The following PLD5 variants were observed in gnomAD, a reference collection of about 807,000 sequenced individuals.
The protein encoded by PLD5 is phospholipase D family member 5, also known as inactive phospholipase D5.
PLD5 carries 36 observed loss-of-function variants against 61.1 expected under a neutral mutation model. The ratio of observed to expected loss-of-function variants is 0.59; its 90% CI spans 0.45 to 0.78. PLD5 has a LOEUF of 0.78. Ranked by LOEUF, PLD5 falls within the 30% of genes least tolerant of loss-of-function variation. The pLI is 0.00. For missense variants in PLD5, 515 were observed against 644.4 expected, an observed-to-expected ratio of 0.80 and a Z score of 2.17; for synonymous variants, 243 against 242.8, an observed-to-expected ratio of 1.00 and a Z score of -0.01.
At chr1:242,204,849 T>C (rs1168810872) in intron 5 of PLD5, among the ~76,000 whole-genome samples, 1 of 152,134 alleles carries the variant, frequency 6.6e-6, no homozygotes, top group African/African-American at 2.4e-5. Flanking sequence ...GCAACCACTA[T>C]GTTATACTGC....
chr1:242,505,969 T>C lies in PLD5; in HGVS notation c.189+18119A>G, dbSNP rs77790794. 7.6e-3 allele frequency among the ~76,000 whole-genome samples: 1,163 copies of C among 152,342 alleles called. 13 individuals carry two copies. The highest frequency in any genetic ancestry group is 0.027 in the African/African-American group (1,110 of 41,570). ...AACCAGTAAGTGAAAAACAAATATATAGCACTTGCTGCAGACTGTATAAAA... is the reference window on the plus strand; with the variant it reads ...AACCAGTAAGTGAAAAACAAATATACAGCACTTGCTGCAGACTGTATAAAA... On this transcript the variant is annotated intron_variant, in intron 1 of 9. Coordinates refer to ENST00000536534, the MANE Select transcript of PLD5 (RefSeq NM_001372062.1).
chr1:242,357,223 T>C (rs1660800690), intron 1 of PLD5, among the ~76,000 whole-genome samples: 1 of 151,584 alleles, frequency 6.6e-6, no homozygotes, highest in Non-Finnish European at 1.5e-5. Context: ...TGTTTTTTGT[T>C]TTTTTTTCAT....
chr1:242,482,026 C>G (rs1667795439), intron 1 of PLD5, among the ~76,000 whole-genome samples: 1 of 152,176 alleles, frequency 6.6e-6, no homozygotes, highest in African/African-American at 2.4e-5. Context: ...AACTAACAAA[C>G]AGAAAGGACA....
At chr1:242,419,597 T>C (rs1308307009) in intron 1 of PLD5, among the ~76,000 whole-genome samples, 10 of 147,590 alleles carry the variant, frequency 6.8e-5, no homozygotes, top group Non-Finnish European at 1.3e-4. Context: ...TTTTTTTTAG[T>C]AGAAACAGGG....
chr1:242,307,011 G>T (rs1676406853), intron 2 of PLD5, among the ~76,000 whole-genome samples: 1 of 152,254 alleles, frequency 6.6e-6, no homozygotes, highest in African/African-American at 2.4e-5. Flanking sequence ...TTATCAATTT[G>T]TAGGGCAAAG....
chr1:242,213,299 A>G (rs1019409256), intron 5 of PLD5, among the ~76,000 whole-genome samples: 1 of 152,208 alleles, frequency 6.6e-6, no homozygotes, highest in South Asian at 2.1e-4. Context: ...TGTCAGTATC[A>G]TGTAAATCAA....
intron 5 of PLD5, among the ~76,000 whole-genome samples, chr1:242,188,113 A>G (rs1349993726): frequency 2.0e-5 from 3 of 152,222 alleles, no homozygotes; most frequent in Non-Finnish European, 2.9e-5. Flanking sequence ...TAGGACACAT[A>G]TAAGTGGAAA....
intron 5 of PLD5, among the ~76,000 whole-genome samples, chr1:242,201,207 T>C (rs1402512092): frequency 5.9e-5 from 9 of 152,150 alleles, no homozygotes. Context: ...TTTTTAAAAA[T>C]ATGACAGAAT....
intron 2 of PLD5, among the ~76,000 whole-genome samples, chr1:242,328,386 C>T (rs114863932): frequency 0.01 from 1,527 of 151,942 alleles, 16 homozygotes; most frequent in African/African-American, 0.034. Flanking sequence ...TGTGTTCACA[C>T]GTGTTCTACA....
intron 9 of PLD5, among the ~76,000 whole-genome samples, chr1:242,091,250 A>G (rs1364921108): frequency 1.3e-5 from 2 of 152,162 alleles, no homozygotes; most frequent in Non-Finnish European, 2.9e-5. Context: ...TAGGACTTCA[A>G]CATATGAATT....
At chr1:242,339,047 A>G (rs4658477) in intron 2 of PLD5, among the ~76,000 whole-genome samples, 115,395 of 152,026 alleles carry the variant, frequency 0.76, 44,989 homozygotes, top group Non-Finnish European at 0.85. Flanking sequence ...TAGTCTTTAC[A>G]TATATAATGT....
At chr1:242,396,881 T>C (rs1006290926) in intron 1 of PLD5, among the ~76,000 whole-genome samples, 1 of 152,030 alleles carries the variant, frequency 6.6e-6, no homozygotes, top group African/African-American at 2.4e-5. Context: ...GGTTTCACCA[T>C]ATTGGCCAGG....
Position 242,395,686 on chromosome 1 carries a change from C to A in PLD5, c.190-47444G>T, listed in dbSNP as rs1191515648. Among the ~76,000 whole-genome samples the A allele has an allele frequency of 2.0e-5, 3 of 152,122 alleles. No individual in the cohort carries two copies. The East Asian group carries it at 5.8e-4, about 29-fold the overall frequency. ...TGGAAACATAGAACATAAAGAGATGCAACCTGGAACCACAGATAAAGCAGA... is the reference window on the plus strand; with the variant it reads ...TGGAAACATAGAACATAAAGAGATGAAACCTGGAACCACAGATAAAGCAGA... On this transcript the variant is annotated intron_variant, in intron 1 of 9. Transcript: ENST00000536534.
In PLD5 at chr1:242,131,850, T is replaced by C. The variant is rs1185023383; in HGVS notation, c.736-7185A>G. Reference sequence around the variant, plus strand: ...TCTTTCTTTCCTTTTTTTTTTTTTTTTTGAGATGGAGTCTCATTCTGTCAC... The same window carrying C: ...TCTTTCTTTCCTTTTTTTTTTTTTTCTTGAGATGGAGTCTCATTCTGTCAC... On this transcript the variant is annotated intron_variant, in intron 5 of 9. Coordinates refer to ENST00000536534, the MANE Select transcript of PLD5 (RefSeq NM_001372062.1). Among the ~76,000 whole-genome samples the C allele has an allele frequency of 6.0e-5, 9 of 149,716 alleles. No homozygotes were observed. In the East Asian group the frequency reaches 1.8e-3, roughly 29 times the overall value.
At chr1:242,493,541 A>T (rs551589440) in intron 1 of PLD5, among the ~76,000 whole-genome samples, 23 of 152,322 alleles carry the variant, frequency 1.5e-4, no homozygotes, top group South Asian at 1.2e-3. Flanking sequence ...AGGGACAAGC[A>T]GTCAGTTTCG....
rs189981005 is a variant in PLD5, at chr1:242,337,471, A to C, written c.326+10635T>G. Among the ~76,000 whole-genome samples, 439 of 152,120 alleles carry C rather than the reference A, an allele frequency of 2.9e-3. 4 individuals are homozygous for C. Among genetic ancestry groups the C allele is most frequent in the African/African-American group, 0.01 (425 of 41,482 alleles). On this transcript the variant is annotated intron_variant, in intron 2 of 9. Transcript: ENST00000536534. ...CGTGGTGAAACCCCGTCTCTACTAA[A>C]AATACAAAAATTAGCTGGGTATGGT...
intron 5 of PLD5, among the ~76,000 whole-genome samples, chr1:242,209,861 C>T (rs543261464): frequency 6.6e-6 from 1 of 152,210 alleles, no homozygotes; most frequent in Non-Finnish European, 1.5e-5. Flanking sequence ...GTGGTGCAAT[C>T]TTGGCTCACT....
intron 1 of PLD5, among the ~76,000 whole-genome samples, chr1:242,439,402 G>A (rs1252426080): frequency 1.3e-5 from 2 of 152,132 alleles, no homozygotes; most frequent in African/African-American, 2.4e-5. Context: ...CACGTTCATA[G>A]GAAGTTTTTA....
rs374310041 is a variant in PLD5, at chr1:242,280,477, G to A, written c.495+7885C>T. On this transcript the variant is annotated intron_variant, in intron 3 of 9. Coordinates refer to ENST00000536534, the MANE Select transcript of PLD5 (RefSeq NM_001372062.1). The stretch of plus-strand genomic sequence containing the variant: ...TTTCCCTATGTCCTCATTAAAAATA[G>A]ACAAACTAGACGGTAGGAAGTTTGC... Among the ~76,000 whole-genome samples, 5 of 152,198 alleles carry A rather than the reference G, an allele frequency of 3.3e-5. No homozygotes were observed. The South Asian group carries it at 1.0e-3, about 32-fold the overall frequency.
Sources: allele counts gnomAD v4.1 joint callset (sites outside exome capture counted in the v4.1 genomes callset), GRCh38; gene constraint gnomAD v4.1.1; transcripts MANE v1.5; gene names NCBI Gene and HGNC (gene_info 2026-07-23, HGNC 2026-07-21).